ARHGAP44: variants seen among roughly 807,000 people sequenced by gnomAD.
The protein encoded by ARHGAP44 is Rho GTPase activating protein 44, also known as rho GTPase-activating protein 44.
Under a neutral mutation model 106.8 loss-of-function variants are expected in ARHGAP44, and 43 were observed. The ratio of observed to expected loss-of-function variants is 0.40; its 90% CI spans 0.32 to 0.52. The LOEUF (loss-of-function observed/expected upper bound fraction) is 0.52, where lower values mean the gene tolerates loss of function less well. Among genes scored for constraint, ARHGAP44 ranks in the 20% least tolerant of loss-of-function variants. The pLI, the probability that ARHGAP44 is intolerant of heterozygous loss-of-function variation, is 0.48. For synonymous variants in ARHGAP44, 439 were observed against 410.3 expected (o/e 1.07, Z -0.85); for missense variants, 866 against 1,050.5 (o/e 0.82, Z 2.43).
intron 1 of ARHGAP44, among the ~76,000 whole-genome samples, chr17:12,794,294 C>CT (rs1047089476): frequency 6.6e-6 from 1 of 151,710 alleles, no homozygotes; most frequent in African/African-American, 2.4e-5. Context: ...GTGGGGAGGA[C>CT]TTTTTTTTCC....
intron 1 of ARHGAP44, among the ~76,000 whole-genome samples, chr17:12,832,155 A>G (rs776861434): frequency 6.6e-6 from 1 of 152,174 alleles, no homozygotes; most frequent in Non-Finnish European, 1.5e-5. Flanking sequence ...GAGTTTTATT[A>G]TTACTCAAAT....
chr17:12,840,996 G>C (rs2035374479), intron 1 of ARHGAP44, among the ~76,000 whole-genome samples: 1 of 152,180 alleles, frequency 6.6e-6, no homozygotes, highest in Non-Finnish European at 1.5e-5. Flanking sequence ...TAGTGTGTGT[G>C]TGGGTGATTA....
At chr17:12,849,830 C>T (rs951727362) in intron 1 of ARHGAP44, among the ~76,000 whole-genome samples, 1 of 151,874 alleles carries the variant, frequency 6.6e-6, no homozygotes, top group African/African-American at 2.4e-5. Context: ...TTTCTTTTTT[C>T]AGGCCACATT....
chr17:12,952,911 A>G (rs1357802753), intron 13 of ARHGAP44, among the ~76,000 whole-genome samples: 1 of 151,460 alleles, frequency 6.6e-6, no homozygotes. Context: ...TGGTGGCACC[A>G]CCACAGGTCC....
intron 16 of ARHGAP44, among the ~76,000 whole-genome samples, chr17:12,962,431 C>T (rs914455617): frequency 1.3e-5 from 2 of 152,158 alleles, no homozygotes; most frequent in African/African-American, 2.4e-5. Flanking sequence ...ATCTAAAGAC[C>T]TGGAAACTAT....
intron 1 of ARHGAP44, among the ~76,000 whole-genome samples, chr17:12,876,888 T>A (rs2036571398): frequency 7.3e-6 from 1 of 136,974 alleles, no homozygotes; most frequent in Non-Finnish European, 1.5e-5. Flanking sequence ...TCCAGCCTGG[T>A]GACAGAGTGA....
In ARHGAP44 at chr17:12,836,201, A is replaced by C. The variant is rs900305269; in HGVS notation, c.53+46310A>C. ...GCAACTTAAGAACTTGTAGATAAGG[A>C]CAGAAATGCTTGAAGAGCAGAACGG... On this transcript the variant is annotated intron_variant, in intron 1 of 20. Coordinates refer to ENST00000379672, the MANE Select transcript of ARHGAP44 (RefSeq NM_014859.6). Among the ~76,000 whole-genome samples, 4 of 152,232 alleles carry C rather than the reference A, an allele frequency of 2.6e-5. No homozygotes were observed. In the South Asian group the frequency reaches 8.3e-4, roughly 32 times the overall value.
chr17:12,964,916 A>G (rs968644692), intron 16 of ARHGAP44, among the ~76,000 whole-genome samples: 18 of 152,084 alleles, frequency 1.2e-4, no homozygotes, highest in African/African-American at 4.1e-4. Context: ...GACCTGCAAG[A>G]TGCCCATCTG....
At chr17:12,803,124 C>G (rs996265960) in intron 1 of ARHGAP44, among the ~76,000 whole-genome samples, 10 of 150,760 alleles carry the variant, frequency 6.6e-5, no homozygotes, top group African/African-American at 2.0e-4. Context: ...AGGCGCCCAC[C>G]ACCAGGCGCC....
chr17:12,944,133 G>A lies in ARHGAP44; in HGVS notation c.798G>A (p.Arg266=). The part of the protein sequence containing the change: ...PLEEHLTISG[R]EIAFPIEACV... ...AGGAGCACCTCACCATCAGCGGCCG[G>A]GAGATCGCCTTCCCCATCGAGGCGT... The change falls in exon 10 of 21, where the codon CGG becomes CGA. Residue 266 remains arginine (R), a synonymous_variant. Coordinates refer to ENST00000379672, the MANE Select transcript of ARHGAP44 (RefSeq NM_014859.6). The A allele has an allele frequency of 6.2e-7, 1 of 1,612,864 alleles. No individual in the cohort carries two copies. The highest frequency in any genetic ancestry group is 8.5e-7 in the Non-Finnish European group (1 of 1,179,780).
chr17:12,986,003 T>G (rs1256048474), intron 20 of ARHGAP44: 1 of 152,240 alleles, frequency 6.6e-6, no homozygotes, highest in African/African-American at 2.4e-5. Context: ...AGTGATTTAT[T>G]TCTTCCGTGA....
At chr17:12,873,906 A>AAAATAAAT (rs1174917101) in intron 1 of ARHGAP44, among the ~76,000 whole-genome samples, 5 of 52,158 alleles carry the variant, frequency 9.6e-5, no homozygotes, top group Middle Eastern at 8.2e-3. Context: ...TCAGTCTCAA[A>AAAATAAAT]AAATAAATAA....
At chr17:12,922,134 G>C (rs1456596416) in intron 6 of ARHGAP44, among the ~76,000 whole-genome samples, 1 of 152,102 alleles carries the variant, frequency 6.6e-6, no homozygotes, top group Non-Finnish European at 1.5e-5. Context: ...ACAAATACCA[G>C]GTAAGCATAA....
intron 13 of ARHGAP44, 29 bp downstream of exon 13, chr17:12,952,610 C>T (rs376069618): frequency 1.3e-6 from 2 of 1,519,480 alleles, no homozygotes; most frequent in Non-Finnish European, 1.8e-6. Flanking sequence ...AGTATAGACA[C>T]ATGGCTTGGG....
intron 16 of ARHGAP44, chr17:12,973,059 C>T (rs769862858): frequency 1.4e-5 from 6 of 435,804 alleles, no homozygotes; most frequent in Non-Finnish European, 2.4e-5. Context: ...CATGCCACAC[C>T]AATATCAACT....
chr17:12,883,388 TTG>T (rs1333942931), intron 1 of ARHGAP44, among the ~76,000 whole-genome samples: 1 of 151,714 alleles, frequency 6.6e-6, no homozygotes, highest in African/African-American at 2.4e-5. Flanking sequence ...TCTTTTTTTA[TTG>T]TTTTTTCTTC....
chr17:12,884,385 A>G (rs1365776556), intron 1 of ARHGAP44, among the ~76,000 whole-genome samples: 1 of 151,944 alleles, frequency 6.6e-6, no homozygotes, highest in African/African-American at 2.4e-5. Flanking sequence ...CTCTATTTCT[A>G]CTCTTTCAGT....
At chr17:12,917,201 C>A (rs370987863) in intron 5 of ARHGAP44, 1 of 154,490 alleles carries the variant, frequency 6.5e-6, no homozygotes, top group South Asian at 2.0e-4. Flanking sequence ...AGGGGTTTCT[C>A]CCCTATTAGG....
chr17:12,878,638 G>C (rs6502208), intron 1 of ARHGAP44, among the ~76,000 whole-genome samples: 139,392 of 152,194 alleles, frequency 0.92, 63,959 homozygotes, highest in African/African-American at 0.94. Context: ...AGGCCGCTGC[G>C]TTTCCTTGAA....
Sources: gnomAD v4.1 joint callset for allele counts (sites outside exome capture counted in the v4.1 genomes callset) on GRCh38, gnomAD v4.1.1 for gene constraint, MANE v1.5 for transcripts, NCBI Gene and HGNC (gene_info 2026-07-23, HGNC 2026-07-21) for gene names.